PYGO1: variants seen among roughly 807,000 people sequenced by gnomAD.
PYGO1 encodes the protein pygopus family PHD finger 1, also known as pygopus homolog 1.
Under a neutral mutation model 29.5 loss-of-function variants are expected in PYGO1, and 6 were observed. The ratio of observed to expected loss-of-function variants is 0.20; its 90% confidence interval spans 0.11 to 0.40. PYGO1 has a LOEUF of 0.40. Among genes scored for constraint, PYGO1 ranks in the 10% least tolerant of loss-of-function variants. The pLI, the probability that PYGO1 is intolerant of heterozygous loss-of-function variation, is 1.00. For synonymous variants in PYGO1, 186 were observed against 180.5 expected (o/e 1.03, Z -0.24); for missense variants, 515 against 514.9 (o/e 1.00, Z 0.00).
chr15:55,559,903 A>G (rs1418175087), intron 1 of PYGO1, among the ~76,000 whole-genome samples: 3 of 152,128 alleles, frequency 2.0e-5, no homozygotes, highest in African/African-American at 7.2e-5. Flanking sequence ...ATCAATAAAT[A>G]TAATTCATAA....
Position 55,542,156 on chromosome 15 carries a change from C to T in PYGO1, c.*3867G>A, listed in dbSNP as rs2058830435. On this transcript the variant is annotated 3_prime_UTR_variant, in exon 3 of 3. Transcript: ENST00000563719. ...ACTATTAAATACAATTACTATAGTA[C>T]ATTGAACAATAAGTGCTAAAACTCT... 1 of 152,104 alleles carries T rather than the reference C, an allele frequency of 6.6e-6. No individual in the cohort carries two copies. The highest frequency in any genetic ancestry group is 2.4e-5 in the African/African-American group (1 of 41,420). The allele number at this position is 152,104 out of a possible 1,614,324, so 9.4% of individuals were successfully genotyped here.
chr15:55,557,692 T>C (rs1595985030), intron 1 of PYGO1, among the ~76,000 whole-genome samples: 1 of 152,070 alleles, frequency 6.6e-6, no homozygotes. Context: ...GTTCAACATA[T>C]GCAAATCAAT....
chr15:55,563,082 T>C (rs922312265), intron 1 of PYGO1, among the ~76,000 whole-genome samples: 11 of 151,858 alleles, frequency 7.2e-5, no homozygotes, highest in African/African-American at 1.7e-4. Context: ...AAAAAAAACA[T>C]AAATTGCACT....
chr15:55,564,674 A>G (rs1281243403), intron 1 of PYGO1, among the ~76,000 whole-genome samples: 4 of 152,240 alleles, frequency 2.6e-5, no homozygotes, highest in Non-Finnish European at 5.9e-5. Context: ...ACTAAAAACC[A>G]CTGAAATGTA....
chr15:55,581,491 A>G (rs1372466061), intron 1 of PYGO1, among the ~76,000 whole-genome samples: 1 of 152,178 alleles, frequency 6.6e-6, no homozygotes, highest in African/African-American at 2.4e-5. Flanking sequence ...AATTTTACAA[A>G]AGAGAGAAAC....
chr15:55,563,389 C>T (rs1015960222), intron 1 of PYGO1, among the ~76,000 whole-genome samples: 23 of 127,434 alleles, frequency 1.8e-4, no homozygotes, highest in African/African-American at 6.5e-4. Context: ...TTTTTTGAGA[C>T]GAAGTCTTGC....
intron 1 of PYGO1, among the ~76,000 whole-genome samples, chr15:55,571,072 A>AG (rs1305285287): frequency 6.7e-6 from 1 of 150,242 alleles, no homozygotes; most frequent in Admixed American, 6.7e-5. Context: ...AGCTTTTATG[A>AG]ATTTGACTAC....
intron 1 of PYGO1, among the ~76,000 whole-genome samples, chr15:55,585,420 A>G (rs1001299603): frequency 1.3e-5 from 2 of 152,208 alleles, no homozygotes; most frequent in African/African-American, 4.8e-5. Flanking sequence ...TTAAATAACA[A>G]AAAGCTCCAG....
rs1165516543 is a variant in PYGO1, at chr15:55,561,241, ATT to A, written c.50-12248_50-12247del. ...GACAAAAATCTGCAATGGGGAATAG[ATT>A]CTCTATTTAATAAATGGTGATGGTA... On this transcript the variant is annotated intron_variant, in intron 1 of 2. Transcript: ENST00000563719. 2.0e-5 allele frequency among the ~76,000 whole-genome samples: 3 copies of A among 152,196 alleles called. No homozygotes were observed. The East Asian group carries it at 5.8e-4, about 29-fold the overall frequency.
intron 1 of PYGO1, among the ~76,000 whole-genome samples, chr15:55,565,914 T>G (rs1376577616): frequency 3.3e-5 from 5 of 152,078 alleles, no homozygotes; most frequent in Non-Finnish European, 7.4e-5. Flanking sequence ...ACCAAGTAGC[T>G]GAGATTATAG....
intron 1 of PYGO1, among the ~76,000 whole-genome samples, chr15:55,579,811 T>A (rs2059018410): frequency 6.6e-6 from 1 of 152,260 alleles, no homozygotes; most frequent in African/African-American, 2.4e-5. Context: ...TAATTGCTTA[T>A]ACTTACTATA....
At chr15:55,570,364 A>G (rs1251506461) in intron 1 of PYGO1, among the ~76,000 whole-genome samples, 1 of 152,180 alleles carries the variant, frequency 6.6e-6, no homozygotes, top group Non-Finnish European at 1.5e-5. Flanking sequence ...TTTTTAAGAA[A>G]AATTTTTTCA....
chr15:55,557,012 C>A (rs971499114), intron 1 of PYGO1, among the ~76,000 whole-genome samples: 2 of 151,840 alleles, frequency 1.3e-5, no homozygotes, highest in Non-Finnish European at 1.5e-5. Context: ...GCCTACCAAC[C>A]CAAAGAAGCC....
Position 55,546,351 on chromosome 15 carries a change from C to T in PYGO1, c.932G>A (p.Arg311Lys). Residue 311 changes from arginine to lysine, a missense_variant, in exon 3 of 3, where the codon AGA becomes AAA. Coordinates refer to ENST00000563719, the MANE Select transcript of PYGO1 (RefSeq NM_001367806.1). The part of the protein sequence containing the change: ...NGTQNKPRQP[R>K]GAADACTTEK... ...TGTGGTGCAGGCATCTGCTGCACCT[C>T]TTGGTTGTCGTGGCTTATTCTGCGT... is the stretch of plus-strand genomic sequence containing the variant. 23 of 1,614,168 alleles carry T rather than the reference C, an allele frequency of 1.4e-5. No homozygotes were observed. Among genetic ancestry groups the T allele is most frequent in the Non-Finnish European group, 1.9e-5 (22 of 1,180,030 alleles).
In PYGO1 at chr15:55,542,740, G is replaced by C. The variant is rs1296945736; in HGVS notation, c.*3283C>G. The C allele has an allele frequency of 6.6e-6, 1 of 152,114 alleles. No homozygotes were observed. The highest frequency in any genetic ancestry group is 1.5e-5 in the Non-Finnish European group (1 of 68,084). 9.4% of individuals were successfully genotyped at this position (152,114 alleles called of 1,614,324 possible). A position where few individuals can be genotyped will look rare whatever the true frequency, so the allele number is the denominator to read the frequency against. On this transcript the variant is annotated 3_prime_UTR_variant, in exon 3 of 3. Transcript: ENST00000563719. ...GAGGTCAGGAGTTTGACACCAGCCT[G>C]GCCAACATGGTGAACCCGTCTCTAC...
chr15:55,562,501 G>A (rs1363750996), intron 1 of PYGO1, among the ~76,000 whole-genome samples: 2 of 151,986 alleles, frequency 1.3e-5, no homozygotes, highest in Admixed American at 1.3e-4. Flanking sequence ...GTGAAACCCT[G>A]TCTTTACAAA....
At chr15:55,567,777 T>C (rs909410679) in intron 1 of PYGO1, among the ~76,000 whole-genome samples, 7 of 152,176 alleles carry the variant, frequency 4.6e-5, no homozygotes, top group South Asian at 4.1e-4. Context: ...TTTTTGTACA[T>C]GGTGATAGGT....
intron 1 of PYGO1, among the ~76,000 whole-genome samples, chr15:55,560,193 G>T (rs990877930): frequency 6.6e-6 from 1 of 152,018 alleles, no homozygotes; most frequent in Non-Finnish European, 1.5e-5. Flanking sequence ...GGGCAATCAG[G>T]CAAGAGAAAG....
At chr15:55,588,718 A>C, upstream of PYGO1, 2 of 1,443,088 alleles carry the variant, frequency 1.4e-6, no homozygotes, top group Non-Finnish European at 1.9e-6. Flanking sequence ...CAGCTTTCGC[A>C]AGGAAAGGGC....
Sources: gnomAD v4.1 joint callset for allele counts (sites outside exome capture counted in the v4.1 genomes callset) on GRCh38, gnomAD v4.1.1 for gene constraint, MANE v1.5 for transcripts, NCBI Gene and HGNC (gene_info 2026-07-23, HGNC 2026-07-21) for gene names.